Variants in CEP120 observed in about 807,000 individuals in gnomAD.
CEP120 encodes centrosomal protein 120, also known as centrosomal protein of 120 kDa.
Under a neutral mutation model 126.5 loss-of-function variants are expected in CEP120, and 113 were observed. The ratio of observed to expected loss-of-function variants is 0.89; its 90% CI spans 0.77 to 1.04. The LOEUF (loss-of-function observed/expected upper bound fraction) is 1.04. CEP120 is among the 50% of genes least tolerant of loss of function. The pLI is 0.00. For missense variants in CEP120, 1,230 were observed against 1,155.7 expected, an observed-to-expected ratio of 1.06 and a Z score of -0.93; for synonymous variants, 400 against 394.3, an observed-to-expected ratio of 1.01 and a Z score of -0.17.
At chr5:123,385,309 T>C (rs142078500) in intron 10 of CEP120, among the ~76,000 whole-genome samples, 176 bp from the exon 11 acceptor site, 42 of 152,370 alleles carry the variant, frequency 2.8e-4, no homozygotes, top group African/African-American at 9.9e-4. Flanking sequence ...TATGAAATGA[T>C]GTTTCCATCA....
chr5:123,410,336 A>G (rs562622302), intron 4 of CEP120, among the ~76,000 whole-genome samples: 30 of 152,352 alleles, frequency 2.0e-4, no homozygotes, highest in African/African-American at 7.0e-4. Flanking sequence ...AGATACTGAC[A>G]AATTCTTAAG....
chr5:123,368,395 A>T (rs1282219230), intron 17 of CEP120, among the ~76,000 whole-genome samples: 1 of 151,980 alleles, frequency 6.6e-6, no homozygotes, highest in African/African-American at 2.4e-5. Context: ...TACAGAATTC[A>T]TATTTATAAA....
rs1580632047 is a variant in CEP120 at position 123,355,122 on chromosome 5, T to C, written c.2581-5033A>G. On this transcript the variant is annotated intron_variant, in intron 18 of 19. Coordinates refer to ENST00000306467, the MANE Select transcript of CEP120 (RefSeq NM_001375405.1). ...CCTACAAGGGACATGAACTCATCAT[T>C]TTTTATGGCTGCATAGTATTCCATG... Among the ~76,000 whole-genome samples the C allele has an allele frequency of 2.0e-5, 3 of 152,258 alleles. No homozygotes were observed. The East Asian group carries it at 5.8e-4, about 29-fold the overall frequency.
intron 4 of CEP120, among the ~76,000 whole-genome samples, chr5:123,406,423 C>G (rs1423556730): frequency 6.6e-6 from 1 of 151,202 alleles, no homozygotes; most frequent in East Asian, 1.9e-4. Flanking sequence ...GCTAGGCATC[C>G]CATATTAAAA....
intron 18 of CEP120, among the ~76,000 whole-genome samples, chr5:123,351,034 G>T (rs1769166243): frequency 6.6e-6 from 1 of 152,104 alleles, no homozygotes; most frequent in Non-Finnish European, 1.5e-5. Flanking sequence ...GAGTCAATAG[G>T]TTTTTGTTAA....
intron 18 of CEP120, among the ~76,000 whole-genome samples, chr5:123,357,197 G>C (rs945053476): frequency 6.6e-6 from 1 of 152,094 alleles, no homozygotes; most frequent in African/African-American, 2.4e-5. Flanking sequence ...ACCCCTGCCT[G>C]CAACAGCTTT....
chr5:123,403,101 A>G (rs1773377229), intron 4 of CEP120: 2 of 334,982 alleles, frequency 6.0e-6, no homozygotes, highest in Non-Finnish European at 1.2e-5. Flanking sequence ...CCATATGTAT[A>G]TATACAAATG....
rs142792779 is a variant in CEP120 at position 123,372,687 on chromosome 5, C to T, written c.2444G>A (p.Arg815His). ...KDQQNNKPEI[R>H]LQSEINLLTL... ...GAGAAGATTTATTTCAGACTGTAGA[C>T]GGATTTCTGGTTTGTTGTTTTGCTG... Residue 815 changes from arginine to histidine, a missense_variant, in exon 17 of 20, where the codon CGT becomes CAT. Arg to His is a conservative substitution (Grantham distance 29). Transcript: ENST00000306467. The T allele has an allele frequency of 9.6e-5, 155 of 1,611,936 alleles. No homozygotes were observed. The African/African-American group carries it at 1.9e-3, about 19-fold the overall frequency.
chr5:123,421,911 T>C (rs997771321), intron 1 of CEP120, among the ~76,000 whole-genome samples: 4 of 152,210 alleles, frequency 2.6e-5, no homozygotes, highest in African/African-American at 9.6e-5. Context: ...AATGTTTCCT[T>C]TGCTCTCATC....
chr5:123,351,470 T>A (rs548102897), intron 18 of CEP120, among the ~76,000 whole-genome samples: 1 of 152,298 alleles, frequency 6.6e-6, no homozygotes, highest in South Asian at 2.1e-4. Flanking sequence ...GTGAAGATTT[T>A]ATACATGTCT....
intron 10 of CEP120, among the ~76,000 whole-genome samples, chr5:123,386,258 A>G (rs1772012563): frequency 2.6e-5 from 4 of 152,166 alleles, no homozygotes; most frequent in Admixed American, 2.6e-4. Context: ...CATTACATAT[A>G]GTTTGTTTTA....
At chr5:123,383,523 AT>A (rs919569891) in intron 11 of CEP120, among the ~76,000 whole-genome samples, 75 of 149,554 alleles carry the variant, frequency 5.0e-4, no homozygotes, top group African/African-American at 3.7e-4. Flanking sequence ...TAAAAATGTG[AT>A]TTTTTTTTTA....
intron 4 of CEP120, 91 bp downstream of exon 4, chr5:123,412,308 G>T: frequency 8.2e-7 from 1 of 1,215,562 alleles, no homozygotes; most frequent in Non-Finnish European, 1.1e-6. Context: ...TTTACACCCT[G>T]CATATATGTC....
At chr5:123,385,535 T>C (rs1340681806) in intron 10 of CEP120, among the ~76,000 whole-genome samples, 1 of 152,104 alleles carries the variant, frequency 6.6e-6, no homozygotes, top group African/African-American at 2.4e-5. Flanking sequence ...TTTAAGTACA[T>C]TCTACAATGT....
chr5:123,410,850 T>G (rs1052010119), intron 4 of CEP120, among the ~76,000 whole-genome samples: 2 of 152,166 alleles, frequency 1.3e-5, no homozygotes, highest in Non-Finnish European at 2.9e-5. Flanking sequence ...TCATTAAAAT[T>G]TAAAACTTCT....
At chr5:123,355,459 C>A (rs1040861100) in intron 18 of CEP120, among the ~76,000 whole-genome samples, 19 of 152,146 alleles carry the variant, frequency 1.2e-4, no homozygotes, top group African/African-American at 4.6e-4. Context: ...TGTTTCCTGA[C>A]TTTTTAATGA....
At chr5:123,386,436 T>A (rs1772021007) in intron 10 of CEP120, 82 bp downstream of exon 10, 1 of 1,032,580 alleles carries the variant, frequency 9.7e-7, no homozygotes, top group African/African-American at 1.7e-5. Flanking sequence ...TTTAAACCTA[T>A]AAGAATTCCT....
At chr5:123,354,820 A>AC (rs1387926544) in intron 18 of CEP120, among the ~76,000 whole-genome samples, 1 of 151,896 alleles carries the variant, frequency 6.6e-6, no homozygotes, top group Non-Finnish European at 1.5e-5. Context: ...GTTCTAGGGT[A>AC]CATGTGCACA....
Position 123,350,022 on chromosome 5 carries a change from C to T in CEP120, c.2648G>A (p.Arg883His), listed in dbSNP as rs368260761. ...ATCTTTTTCCTCAGCGGCAAGGTAACGTAGTCTCATCTGTTCCAATTCTTC... is the reference window on the plus strand; with the variant it reads ...ATCTTTTTCCTCAGCGGCAAGGTAATGTAGTCTCATCTGTTCCAATTCTTC... ...QQEELEQMRL[R>H]YLAAEEKDTV... The change falls in exon 19 of 20, where the codon CGT (arginine) becomes CAT (histidine). Residue 883 changes from arginine to histidine, a missense_variant. By Grantham distance (29) the Arg-to-His change is conservative. Coordinates refer to ENST00000306467, the MANE Select transcript of CEP120 (RefSeq NM_001375405.1). 6.8e-6 allele frequency: 11 copies of T among 1,613,646 alleles called. No individual in the cohort carries two copies. Among genetic ancestry groups the T allele is most frequent in the Middle Eastern group, 1.7e-4 (1 of 6,060 alleles).
Sources: allele counts gnomAD v4.1 joint callset (sites outside exome capture counted in the v4.1 genomes callset), GRCh38; gene constraint gnomAD v4.1.1; transcripts MANE v1.5; gene names NCBI Gene and HGNC (gene_info 2026-07-23, HGNC 2026-07-21).